The following ALDH1A3 variants were observed in gnomAD, a reference collection of about 807,000 sequenced individuals.
The protein encoded by ALDH1A3 is aldehyde dehydrogenase 1 family member A3.
A neutral mutation model predicts 57.5 loss-of-function variants in ALDH1A3; 28 were observed. The observed-to-expected ratio is 0.49, with a 90% CI of 0.36 to 0.67. The LOEUF (loss-of-function observed/expected upper bound fraction) is 0.67. Ranked by LOEUF, ALDH1A3 falls within the 30% of genes least tolerant of loss-of-function variation. The pLI, the probability that ALDH1A3 is intolerant of heterozygous loss-of-function variation, is 0.00. For missense variants in ALDH1A3, 507 were observed against 669.4 expected, an observed-to-expected ratio of 0.76 and a Z score of 2.68; for synonymous variants, 281 against 264.8, an observed-to-expected ratio of 1.06 and a Z score of -0.59.
intron 9 of ALDH1A3, among the ~76,000 whole-genome samples, chr15:100,902,202 G>A (rs1341957739): frequency 6.6e-6 from 1 of 152,160 alleles, no homozygotes; most frequent in African/African-American, 2.4e-5. Flanking sequence ...TATGCCTGAT[G>A]TCTGAGTCTT....
At position 100,895,779 on chromosome 15, in the gene ALDH1A3, G is replaced by A. The variant is rs552922602; in HGVS notation, c.667-154G>A. The A allele has an allele frequency of 2.6e-5, 17 of 650,830 alleles. No homozygotes were observed. In the East Asian group the frequency reaches 4.4e-4, roughly 17 times the overall value. 40.3% of individuals were successfully genotyped at this position (650,830 alleles called of 1,614,324 possible). On this transcript the variant is annotated intron_variant, in intron 6 of 12. Transcript: ENST00000329841. ...AGAAGCCCAGGTCAGCTCCCAGGGT[G>A]CCCACGGTCAACTGCTTCTGGGTCC...
At chr15:100,883,652 T>G (rs548246803) in intron 1 of ALDH1A3, among the ~76,000 whole-genome samples, 10 of 152,056 alleles carry the variant, frequency 6.6e-5, no homozygotes, top group African/African-American at 1.9e-4. Context: ...TTGTGGGTTT[T>G]TTTTTTTTTT....
At chr15:100,892,321 T>A (rs761090804) in intron 3 of ALDH1A3, 189 bp from the exon 4 acceptor site, 28 of 708,758 alleles carry the variant, frequency 4.0e-5, no homozygotes, top group Non-Finnish European at 5.5e-5. Context: ...ATAAAAGCAA[T>A]CCTCACACTC....
intron 3 of ALDH1A3, among the ~76,000 whole-genome samples, chr15:100,891,794 G>T (rs1188441421): frequency 6.6e-6 from 1 of 152,210 alleles, no homozygotes; most frequent in African/African-American, 2.4e-5. Context: ...AGGGACAAAG[G>T]GGTTCTCTTC....
chr15:100,915,641 AC>A lies in ALDH1A3; in HGVS notation c.*869del, dbSNP rs2041924073. The A allele has an allele frequency of 6.6e-6, 1 of 152,248 alleles. No homozygotes were observed. Among genetic ancestry groups the A allele is most frequent in the Non-Finnish European group, 1.5e-5 (1 of 68,050 alleles). The allele number at this position is 152,248 out of a possible 1,614,324, so 9.4% of individuals were successfully genotyped here. On this transcript the variant is annotated 3_prime_UTR_variant, in exon 13 of 13. Coordinates refer to ENST00000329841, the MANE Select transcript of ALDH1A3 (RefSeq NM_000693.4). Reference sequence around the variant, plus strand: ...CAAATCAGAGCTGTAATTCGCTTTAACAAATTACGCATTTCTATCACGTTCA... The same window carrying A: ...CAAATCAGAGCTGTAATTCGCTTTAAAAATTACGCATTTCTATCACGTTCA...
intron 2 of ALDH1A3, among the ~76,000 whole-genome samples, chr15:100,886,037 G>T (rs1428413424): frequency 6.6e-6 from 1 of 152,246 alleles, no homozygotes; most frequent in Non-Finnish European, 1.5e-5. Context: ...ACTGAGGGCA[G>T]GGAGATGTAA....
chr15:100,902,114 GAACTGATCCCCATACAGAAGA>G (rs2041775225), intron 9 of ALDH1A3, among the ~76,000 whole-genome samples: 1 of 152,184 alleles, frequency 6.6e-6, no homozygotes, highest in Admixed American at 6.5e-5. Flanking sequence ...GGAAATATGT[GAACTGATCCCCATACAGAAGA>G]AACTTTTTTA....
chr15:100,889,243 T>TA lies in ALDH1A3; in HGVS notation c.345+1532dup, dbSNP rs2041625577. 6.6e-6 allele frequency: 1 copy of TA among 152,186 alleles called. No individual in the cohort carries two copies. The highest frequency in any genetic ancestry group is 2.4e-5 in the African/African-American group (1 of 41,426). 9.4% of individuals were successfully genotyped at this position (152,186 alleles called of 1,614,324 possible). A position where few individuals can be genotyped will look rare whatever the true frequency, so the allele number is the denominator to read the frequency against. On this transcript the variant is annotated intron_variant, in intron 3 of 12. Coordinates refer to ENST00000329841, the MANE Select transcript of ALDH1A3 (RefSeq NM_000693.4). The surrounding 1 kb of genome is among the most constrained non-coding windows in gnomAD (Gnocchi z 5.1). ...CTGATGTCGGGAACAAGCAGTAGGGTAGCCACTGTTTAAAGGAGGGTGTCA... is the reference window on the plus strand; with the variant it reads ...CTGATGTCGGGAACAAGCAGTAGGGTAAGCCACTGTTTAAAGGAGGGTGTCA...
At chr15:100,892,200 G>A (rs1003368277) in intron 3 of ALDH1A3, 12 of 328,514 alleles carry the variant, frequency 3.7e-5, no homozygotes, top group African/African-American at 9.0e-5. Context: ...GCCAGTGTGC[G>A]TTCCTTCCCA....
chr15:100,907,086 A>G (rs765160774), intron 10 of ALDH1A3, 35 bp from the exon 11 acceptor site: 6 of 1,606,416 alleles, frequency 3.7e-6, no homozygotes, highest in South Asian at 2.2e-5. Flanking sequence ...CCATTCAGTC[A>G]TGCCTCTCAT....
Position 100,879,947 on chromosome 15 carries a change from G to T in ALDH1A3, c.40G>T (p.Asp14Tyr), listed in dbSNP as rs933582510. The T allele has an allele frequency of 7.5e-6, 11 of 1,472,364 alleles. No individual in the cohort carries two copies. The highest frequency in any genetic ancestry group is 9.9e-6 in the Non-Finnish European group (11 of 1,110,588). The allele number at this position is 1,472,364 out of a possible 1,614,324, so 91.2% of individuals were successfully genotyped here. A position where few individuals can be genotyped will look rare whatever the true frequency, so the allele number is the denominator to read the frequency against. The change falls in exon 1 of 13, where the codon GAC becomes TAC. Residue 14 changes from aspartate (D) to tyrosine (Y), a missense_variant. Transcript: ENST00000329841. ...CGGGGCCGTGGAAAACGGGCAGCCG[G>T]ACAGGAAGCCGCCGGCCCTGCCGCG... ...ANGAVENGQP[D>Y]RKPPALPRPI...
intron 9 of ALDH1A3, among the ~76,000 whole-genome samples, chr15:100,904,009 A>T (rs747628985): frequency 9.2e-5 from 14 of 152,296 alleles, no homozygotes; most frequent in Non-Finnish European, 2.1e-4. Flanking sequence ...AAAATTATAC[A>T]TCTTTTCTTT....
Position 100,893,902 on chromosome 15 carries a change from A to G in ALDH1A3, c.538-52A>G. 6.3e-7 allele frequency: 1 copy of G among 1,587,488 alleles called. No individual in the cohort carries two copies. Among genetic ancestry groups the G allele is most frequent in the Non-Finnish European group, 8.6e-7 (1 of 1,169,168 alleles). ...ACAAAGGCATCGTTGAGCACATGGGACAGGGTAAGAGGGTGGATCTGGGCC... is the reference window on the plus strand; with the variant it reads ...ACAAAGGCATCGTTGAGCACATGGGGCAGGGTAAGAGGGTGGATCTGGGCC... On this transcript the variant is annotated intron_variant, in intron 5 of 12. Coordinates refer to ENST00000329841, the MANE Select transcript of ALDH1A3 (RefSeq NM_000693.4). This position sits in a 1 kb window ranked among gnomAD's most constrained non-coding sequence, Gnocchi z 4.8.
chr15:100,891,841 G>C (rs2041652927), intron 3 of ALDH1A3, among the ~76,000 whole-genome samples: 1 of 152,232 alleles, frequency 6.6e-6, no homozygotes, highest in Admixed American at 6.5e-5. Flanking sequence ...CCCTGCCATT[G>C]AGTGGCTGCA....
chr15:100,914,670 T>A (rs372712625), intron 12 of ALDH1A3, 31 bp from the exon 13 acceptor site: 14 of 1,607,044 alleles, frequency 8.7e-6, no homozygotes, highest in Admixed American at 1.7e-5. Flanking sequence ...GATGTACCCA[T>A]TTTGAATTTT....
chr15:100,913,874 C>G (rs946414209), intron 12 of ALDH1A3: 7 of 152,242 alleles, frequency 4.6e-5, no homozygotes, highest in African/African-American at 1.7e-4. Context: ...CAGTGGCCAC[C>G]TCTACCTTCA....
intron 12 of ALDH1A3, among the ~76,000 whole-genome samples, chr15:100,910,971 C>G (rs1354906318): frequency 6.6e-6 from 1 of 152,236 alleles, no homozygotes; most frequent in Non-Finnish European, 1.5e-5. Context: ...CTTAACACCC[C>G]CTCGCCTGGC....
Position 100,916,488 on chromosome 15 carries a change from A to G in ALDH1A3, c.*1715A>G, listed in dbSNP as rs994225649. The G allele has an allele frequency of 1.3e-5, 2 of 152,502 alleles. No homozygotes were observed. The highest frequency in any genetic ancestry group is 2.4e-5 in the African/African-American group (1 of 41,460). 9.4% of individuals were successfully genotyped at this position (152,502 alleles called of 1,614,324 possible). ...ACTGTATTTAGAAATGGAAATATAT[A>G]TAGTGTTAGGTTTCACTTCTTTTAA... On this transcript the variant is annotated 3_prime_UTR_variant, in exon 13 of 13. Coordinates refer to ENST00000329841, the MANE Select transcript of ALDH1A3 (RefSeq NM_000693.4).
Position 100,879,847 on chromosome 15 carries a change from T to C in ALDH1A3, c.-61T>C, listed in dbSNP as rs1005970539. 274 of 1,243,328 alleles carry C rather than the reference T, an allele frequency of 2.2e-4. No homozygotes were observed. The African/African-American group carries it at 3.8e-3, about 17-fold the overall frequency. 77.0% of individuals were successfully genotyped at this position (1,243,328 alleles called of 1,614,324 possible). Reference sequence around the variant, plus strand: ...CACCCCGGGAGCGGGCTGCGCAGTGTCCGGGCCGAGCCGGTGCGCCGCAGA... The same window carrying C: ...CACCCCGGGAGCGGGCTGCGCAGTGCCCGGGCCGAGCCGGTGCGCCGCAGA... On this transcript the variant is annotated 5_prime_UTR_variant, in exon 1 of 13. Transcript: ENST00000329841.
Sources: gnomAD v4.1 joint callset for allele counts (sites outside exome capture counted in the v4.1 genomes callset) on GRCh38, gnomAD v4.1.1 for gene constraint, Gnocchi (gnomAD v3.1) non-coding constraint, MANE v1.5 for transcripts, NCBI Gene and HGNC (gene_info 2026-07-23, HGNC 2026-07-21) for gene names.